The following SSU72 variants were observed in gnomAD, a reference collection of about 807,000 sequenced individuals.
SSU72 encodes the protein SSU72 homolog, RNA polymerase II CTD phosphatase.
Under a neutral mutation model 22.7 loss-of-function variants are expected in SSU72, and 12 were observed. The observed-to-expected ratio is 0.53, with a 90% CI of 0.34 to 0.86. SSU72 has a LOEUF of 0.86. Ranked by LOEUF, SSU72 falls within the 40% of genes least tolerant of loss-of-function variation. The pLI is 0.02. For synonymous variants in SSU72, 116 were observed against 98.3 expected, an observed-to-expected ratio of 1.18 and a Z score of -1.06; for missense variants, 151 against 249.8, an observed-to-expected ratio of 0.60 and a Z score of 2.67.
At chr1:1,569,901 T>C (rs970190161) in intron 1 of SSU72, among the ~76,000 whole-genome samples, 1 of 152,170 alleles carries the variant, frequency 6.6e-6, no homozygotes, top group African/African-American at 2.4e-5. Context: ...AGCTTTCCTG[T>C]GCAGTTTTAT....
chr1:1,574,462 G>A lies in SSU72; in HGVS notation c.80+16C>T. On this transcript the variant is annotated intron_variant, in intron 1 of 4. Coordinates refer to ENST00000291386, the MANE Select transcript of SSU72 (RefSeq NM_014188.3). ...GCCGGAGCAGAGCGCGCGGGGACAGGGTGGAGCCCAACTACCTGAGGATGT... is the reference window on the plus strand; with the variant it reads ...GCCGGAGCAGAGCGCGCGGGGACAGAGTGGAGCCCAACTACCTGAGGATGT... The A allele has an allele frequency of 1.3e-6, 2 of 1,590,782 alleles. No homozygotes were observed. The highest frequency in any genetic ancestry group is 1.7e-6 in the Non-Finnish European group (2 of 1,170,988).
chr1:1,556,077 C>G (rs984142210), intron 2 of SSU72, among the ~76,000 whole-genome samples: 3 of 152,200 alleles, frequency 2.0e-5, no homozygotes, highest in Admixed American at 2.0e-4. Context: ...GGGTGGATCA[C>G]TTGAGGCCAG....
intron 1 of SSU72, among the ~76,000 whole-genome samples, chr1:1,566,574 C>T (rs750491868): frequency 2.0e-5 from 3 of 152,096 alleles, no homozygotes; most frequent in Non-Finnish European, 4.4e-5. Context: ...AAAGTAAGGC[C>T]GGGTGCGGTG....
At chr1:1,550,065 C>A (rs1316384204) in intron 2 of SSU72, among the ~76,000 whole-genome samples, 1 of 48,174 alleles carries the variant, frequency 2.1e-5, no homozygotes, top group Middle Eastern at 7.8e-3. Flanking sequence ...GTGATTCCAG[C>A]CTCCTCCGGA....
chr1:1,566,264 C>CA (rs1322257918), intron 1 of SSU72, among the ~76,000 whole-genome samples: 1 of 151,554 alleles, frequency 6.6e-6, no homozygotes, highest in Admixed American at 6.6e-5. Flanking sequence ...GACTCTGTCC[C>CA]AAAAAAACAA....
intron 1 of SSU72, among the ~76,000 whole-genome samples, chr1:1,572,599 G>GGCGCCCGCCACC (rs1478929535): frequency 1.3e-5 from 2 of 149,490 alleles, no homozygotes; most frequent in Non-Finnish European, 3.0e-5. Context: ...TGGGACTGCA[G>GGCGCCCGCCACC]GCGCCCGCCA....
chr1:1,574,021 C>T (rs918649953), intron 1 of SSU72, among the ~76,000 whole-genome samples: 1 of 87,654 alleles, frequency 1.1e-5, no homozygotes, highest in African/African-American at 7.7e-5. Flanking sequence ...GGATCTTTCG[C>T]AAAAAAAAAA....
chr1:1,564,107 G>C (rs756754515), intron 2 of SSU72: 8 of 163,828 alleles, frequency 4.9e-5, no homozygotes, highest in Admixed American at 6.3e-5. Context: ...CATTAGCGTG[G>C]GGGTGACCAT....
Position 1,571,095 on chromosome 1 carries a change from A to C in SSU72, c.80+3383T>G, listed in dbSNP as rs180739659. On this transcript the variant is annotated intron_variant, in intron 1 of 4. Coordinates refer to ENST00000291386, the MANE Select transcript of SSU72 (RefSeq NM_014188.3). ...CCTGACTCTACTAAAAGCACCAAAA[A>C]TTAGCCGGGCGTGGTAGCGGGTGCC... Among the ~76,000 whole-genome samples, 329 of 152,168 alleles carry C rather than the reference A, an allele frequency of 2.2e-3. 1 individual carries two copies. The highest frequency in any genetic ancestry group is 4.0e-3 in the Non-Finnish European group (275 of 67,988).
At position 1,558,383 on chromosome 1, in the gene SSU72, T is replaced by C. The variant is rs139114378; in HGVS notation, c.224+6390A>G. 3.8e-3 allele frequency among the ~76,000 whole-genome samples: 571 copies of C among 151,618 alleles called. 3 individuals are homozygous for C. Among genetic ancestry groups the C allele is most frequent in the African/African-American group, 0.013 (541 of 41,288 alleles). ...GCCCTGTCTCAAAACCAAATAATAA[T>C]AATAATCCAAACCCCAAACGTCATT... On this transcript the variant is annotated intron_variant, in intron 2 of 4. Coordinates refer to ENST00000291386, the MANE Select transcript of SSU72 (RefSeq NM_014188.3).
intron 1 of SSU72, among the ~76,000 whole-genome samples, chr1:1,574,083 C>T (rs907058626): frequency 6.6e-6 from 1 of 151,960 alleles, no homozygotes; most frequent in Non-Finnish European, 1.5e-5. Context: ...AAAAAGAGAC[C>T]GCTTTGTTAT....
At chr1:1,566,724 C>T (rs562590126) in intron 1 of SSU72, among the ~76,000 whole-genome samples, 24 of 151,944 alleles carry the variant, frequency 1.6e-4, no homozygotes, top group African/African-American at 3.4e-4. Flanking sequence ...AGGCGGCGGG[C>T]GCTTTTATAG....
In SSU72 at chr1:1,545,007, A is replaced by C; in HGVS notation, c.225-5T>G. 1 of 1,612,470 alleles carries C rather than the reference A, an allele frequency of 6.2e-7. No homozygotes were observed. Among genetic ancestry groups the C allele is most frequent in the Non-Finnish European group, 8.5e-7 (1 of 1,178,742 alleles). On this transcript the variant is annotated splice_polypyrimidine_tract_variant and splice_region_variant and intron_variant, in intron 2 of 4. Transcript: ENST00000291386. ...AAAATCCCATTCTGTGTATAGCTACACATGGGAGTTAAGGAACGTCAGAGA... is the reference window on the plus strand; with the variant it reads ...AAAATCCCATTCTGTGTATAGCTACCCATGGGAGTTAAGGAACGTCAGAGA...
At chr1:1,566,988 T>C (rs1642669566) in intron 1 of SSU72, among the ~76,000 whole-genome samples, 2 of 152,168 alleles carry the variant, frequency 1.3e-5, no homozygotes, top group South Asian at 4.1e-4. Flanking sequence ...AAGTGAAAAC[T>C]ACCTGTGCCT....
chr1:1,569,478 T>C (rs1299487259), intron 1 of SSU72, among the ~76,000 whole-genome samples: 1 of 152,164 alleles, frequency 6.6e-6, no homozygotes, highest in Non-Finnish European at 1.5e-5. Context: ...TGATTTTCAA[T>C]AGGGTGAAAT....
chr1:1,548,906 C>T (rs1371210069), intron 2 of SSU72, among the ~76,000 whole-genome samples: 1 of 152,230 alleles, frequency 6.6e-6, no homozygotes, highest in African/African-American at 2.4e-5. Context: ...CACTCCCGTC[C>T]CACAGTGACG....
intron 1 of SSU72, among the ~76,000 whole-genome samples, chr1:1,569,700 C>T (rs1411639386): frequency 6.6e-6 from 1 of 152,122 alleles, no homozygotes; most frequent in East Asian, 1.9e-4. Flanking sequence ...GATAGCGGGT[C>T]TCACTGTGTT....
chr1:1,552,743 G>C (rs1035335844), intron 2 of SSU72, among the ~76,000 whole-genome samples: 1 of 152,152 alleles, frequency 6.6e-6, no homozygotes, highest in Non-Finnish European at 1.5e-5. Context: ...TGGACTGGCC[G>C]GGCGCGGTGC....
At position 1,543,861 on chromosome 1, in the gene SSU72, G is replaced by T; in HGVS notation, c.483+8C>A. ...TCTGCCCAGCGCGGCGCCCAGCCGG[G>T]TACTTACACACTGGCAGAGCTCACA... On this transcript the variant is annotated splice_region_variant and intron_variant, in intron 4 of 4. Transcript: ENST00000291386. 1 of 1,608,054 alleles carries T rather than the reference G, an allele frequency of 6.2e-7. No individual in the cohort carries two copies. The highest frequency in any genetic ancestry group is 8.5e-7 in the Non-Finnish European group (1 of 1,175,454).
Sources: allele counts gnomAD v4.1 joint callset (sites outside exome capture counted in the v4.1 genomes callset), GRCh38; gene constraint gnomAD v4.1.1; transcripts MANE v1.5; gene names NCBI Gene and HGNC (gene_info 2026-07-23, HGNC 2026-07-21).